Variants in PGM5 observed in about 807,000 individuals in gnomAD.
The protein encoded by PGM5 is phosphoglucomutase 5.
In PGM5, 23 loss-of-function variants were observed where a neutral mutation model predicts 59.2. The ratio of observed to expected loss-of-function variants is 0.39; its 90% CI spans 0.28 to 0.55. The LOEUF is 0.55. Among genes scored for constraint, PGM5 ranks in the 20% least tolerant of loss-of-function variants. The pLI is 0.66. For missense variants in PGM5, 574 were observed against 748.3 expected (o/e 0.77, Z 2.72); for synonymous variants, 214 against 286.0 (o/e 0.75, Z 2.54).
chr9:68,449,654 G>A (rs934757662), intron 6 of PGM5, among the ~76,000 whole-genome samples: 5 of 152,170 alleles, frequency 3.3e-5, no homozygotes, highest in African/African-American at 1.2e-4. Flanking sequence ...AGCACGTGAA[G>A]GCTTGTAGAA....
At chr9:68,396,794 A>G (rs1349214035) in intron 6 of PGM5, 1 of 152,170 alleles carries the variant, frequency 6.6e-6, no homozygotes, top group Non-Finnish European at 1.5e-5. Flanking sequence ...GTGGTTTCCC[A>G]TATAGCTTAT....
At chr9:68,379,319 A>C (rs1250637365) in intron 2 of PGM5, among the ~76,000 whole-genome samples, 5 of 152,222 alleles carry the variant, frequency 3.3e-5, no homozygotes, top group Non-Finnish European at 7.3e-5. Flanking sequence ...CCAAATTTTA[A>C]CCAGCAACAG....
chr9:68,476,826 T>G (rs1824113368), intron 7 of PGM5, among the ~76,000 whole-genome samples: 1 of 152,268 alleles, frequency 6.6e-6, no homozygotes, highest in Non-Finnish European at 1.5e-5. Context: ...AAGAACTTTA[T>G]GTCCCTCTAG....
intron 6 of PGM5, among the ~76,000 whole-genome samples, chr9:68,419,160 T>A (rs1554682194): frequency 6.6e-6 from 1 of 152,214 alleles, no homozygotes; most frequent in Admixed American, 6.5e-5. Context: ...CATAGCTGAT[T>A]ATTAATTTTT....
At chr9:68,516,565 G>A (rs1439552497) in intron 10 of PGM5, among the ~76,000 whole-genome samples, 1 of 152,224 alleles carries the variant, frequency 6.6e-6, no homozygotes, top group Non-Finnish European at 1.5e-5. Flanking sequence ...CACCTGGGGT[G>A]AACCTCACCA....
rs1221416792 is a variant in PGM5 at position 68,391,895 on chromosome 9, C to T, written c.888+171C>T. Among the ~76,000 whole-genome samples the T allele has an allele frequency of 1.3e-5, 2 of 152,064 alleles. No homozygotes were observed. The highest frequency in any genetic ancestry group is 2.4e-5 in the African/African-American group (1 of 41,420). ...ATGACTAAGTATTGCAATTAAATAG[C>T]GATTACTTTTCTTAGTTCCAGATTT... On this transcript the variant is annotated intron_variant, in intron 5 of 10. Coordinates refer to ENST00000396396, the MANE Select transcript of PGM5 (RefSeq NM_021965.4).
At chr9:68,520,636 A>G (rs1824888086) in intron 10 of PGM5, among the ~76,000 whole-genome samples, 1 of 152,370 alleles carries the variant, frequency 6.6e-6, no homozygotes, top group South Asian at 2.1e-4. Flanking sequence ...GAATTCGAAA[A>G]TGAAAACAAA....
intron 6 of PGM5, among the ~76,000 whole-genome samples, chr9:68,423,089 A>G (rs1440683236): frequency 1.3e-5 from 2 of 152,104 alleles, no homozygotes; most frequent in African/African-American, 2.4e-5. Context: ...ATTCCATTGT[A>G]TATATATACC....
At chr9:68,428,469 T>C (rs1263290690) in intron 6 of PGM5, 2 of 152,232 alleles carry the variant, frequency 1.3e-5, no homozygotes, top group Non-Finnish European at 2.9e-5. Context: ...TTCATTTCAG[T>C]TCCTATTTCA....
chr9:68,357,255 A>G lies in PGM5; in HGVS notation c.128A>G (p.Asn43Ser), dbSNP rs782096409. Residue 43 changes from asparagine (N) to serine (S), a missense_variant, in exon 1 of 11, where the codon AAC becomes AGC. Transcript: ENST00000396396. ...LFEGQRNYLP[N>S]FIQSVLSSID... ...GAGGGCCAGCGCAACTACCTGCCCA[A>G]CTTTATCCAGAGCGTGCTGTCGTCC... The G allele has an allele frequency of 6.5e-7, 1 of 1,544,006 alleles. No homozygotes were observed. The highest frequency in any genetic ancestry group is 1.2e-5 in the South Asian group (1 of 83,892).
intron 7 of PGM5, among the ~76,000 whole-genome samples, chr9:68,475,880 G>C (rs1306493382): frequency 6.6e-6 from 1 of 152,122 alleles, no homozygotes; most frequent in Non-Finnish European, 1.5e-5. Context: ...AATTAGCCAG[G>C]CATGGTGGTG....
At chr9:68,524,869 G>A (rs915828067) in intron 10 of PGM5, among the ~76,000 whole-genome samples, 1 of 152,218 alleles carries the variant, frequency 6.6e-6, no homozygotes. Context: ...CCACCAAACA[G>A]ATGTGTGACC....
At chr9:68,477,062 G>C (rs1274892328) in intron 7 of PGM5, among the ~76,000 whole-genome samples, 1 of 152,070 alleles carries the variant, frequency 6.6e-6, no homozygotes, top group African/African-American at 2.4e-5. Context: ...TTGTTTTTTG[G>C]CAGTTGGCCA....
chr9:68,479,884 C>T (rs1554686995), intron 8 of PGM5, among the ~76,000 whole-genome samples: 1 of 149,602 alleles, frequency 6.7e-6, no homozygotes, highest in Non-Finnish European at 1.5e-5. Flanking sequence ...GATCCCGCCA[C>T]TGCACTCCAG....
intron 6 of PGM5, among the ~76,000 whole-genome samples, chr9:68,461,415 G>T (rs1387470661): frequency 1.3e-5 from 2 of 152,292 alleles, no homozygotes; most frequent in Middle Eastern, 3.4e-3. Flanking sequence ...GAGATGGATT[G>T]TTGACCACGT....
At chr9:68,404,059 G>A (rs782132030) in intron 6 of PGM5, among the ~76,000 whole-genome samples, 13 of 152,228 alleles carry the variant, frequency 8.5e-5, no homozygotes, top group South Asian at 4.2e-4. Context: ...ATTAGGCTTC[G>A]GCAGCTTTTC....
intron 3 of PGM5, among the ~76,000 whole-genome samples, chr9:68,386,909 A>C (rs1420908053): frequency 1.3e-5 from 2 of 152,018 alleles, no homozygotes; most frequent in Non-Finnish European, 2.9e-5. Flanking sequence ...ATTGGGTGCT[A>C]GATTGGGCAT....
intron 6 of PGM5, among the ~76,000 whole-genome samples, chr9:68,393,184 C>T (rs1554679672): frequency 6.6e-6 from 1 of 151,980 alleles, no homozygotes; most frequent in African/African-American, 2.4e-5. Context: ...AGTGTATGTG[C>T]CTGGTGGAAA....
In PGM5 at chr9:68,375,927, C is replaced by T. The variant is rs552480399; in HGVS notation, c.262-2272C>T. On this transcript the variant is annotated intron_variant, in intron 1 of 10. Coordinates refer to ENST00000396396, the MANE Select transcript of PGM5 (RefSeq NM_021965.4). ...AGAGGAAAAAGAAAATGCAAGGGCC[C>T]TGAGGCCGGATCATGTTTGGTATGT... 1.2e-4 allele frequency among the ~76,000 whole-genome samples: 18 copies of T among 152,330 alleles called. No homozygotes were observed. The East Asian group carries it at 3.1e-3, about 26-fold the overall frequency.
Sources: allele counts gnomAD v4.1 joint callset (sites outside exome capture counted in the v4.1 genomes callset), GRCh38; gene constraint gnomAD v4.1.1; transcripts MANE v1.5; gene names NCBI Gene and HGNC (gene_info 2026-07-23, HGNC 2026-07-21).